Variants in MID1 observed in about 807,000 individuals in gnomAD.
MID1 encodes midline 1, also known as E3 ubiquitin-protein ligase Midline-1.
A neutral mutation model predicts 40.4 loss-of-function variants in MID1; 7 were observed. That is an observed-to-expected ratio of 0.17 (90% confidence interval 0.10 to 0.33). MID1 has a LOEUF of 0.33. MID1 is among the 10% of genes least tolerant of loss of function. The pLI, the probability that MID1 is intolerant of heterozygous loss-of-function variation, is 1.00. For missense variants in MID1, 367 were observed against 558.5 expected, an observed-to-expected ratio of 0.66 and a Z score of 3.46; for synonymous variants, 229 against 221.2, an observed-to-expected ratio of 1.04 and a Z score of -0.31.
intron 1 of MID1, among the ~76,000 whole-genome samples, chrX:10,808,558 T>A (rs1281259282): frequency 9.1e-6 from 1 of 110,324 alleles, no homozygotes; most frequent in Non-Finnish European, 1.9e-5. Context: ...ATGGTACACC[T>A]CCCTATGGTA....
intron 1 of MID1, among the ~76,000 whole-genome samples, chrX:10,699,521 C>A (rs887120520): frequency 4.5e-5 from 5 of 111,716 alleles, no homozygotes; most frequent in Non-Finnish European, 7.5e-5. Context: ...TGTTTGGAGG[C>A]TCACATTGGA....
At chrX:10,474,200 C>T (rs189085558) in intron 6 of MID1, among the ~76,000 whole-genome samples, 253 of 111,692 alleles carry the variant, frequency 2.3e-3, no homozygotes, top group African/African-American at 7.9e-3. Flanking sequence ...TACCTCAACT[C>T]GATGTTGTGC....
upstream of MID1, among the ~76,000 whole-genome samples, chrX:10,625,508 G>T (rs1179898614): frequency 1.8e-5 from 2 of 112,224 alleles, no homozygotes; most frequent in Non-Finnish European, 3.8e-5. Context: ...TGTTTACTGA[G>T]TTGTTGTGAC....
At chrX:10,471,190 TA>T (rs1325035381) in intron 6 of MID1, among the ~76,000 whole-genome samples, 2 of 112,256 alleles carry the variant, frequency 1.8e-5, no homozygotes, top group Non-Finnish European at 3.8e-5. Flanking sequence ...CTCTACAAAC[TA>T]GGAGCAACCT....
intron 1 of MID1, among the ~76,000 whole-genome samples, chrX:10,679,146 A>G (rs2043042058): frequency 1.8e-5 from 2 of 112,287 alleles, no homozygotes; most frequent in African/African-American, 6.5e-5. Flanking sequence ...GCATATCTAT[A>G]TAGTGAAGTA....
chrX:10,638,238 G>C (rs1396718343), intron 1 of MID1, among the ~76,000 whole-genome samples: 1 of 111,840 alleles, frequency 8.9e-6, no homozygotes, highest in African/African-American at 3.2e-5. Flanking sequence ...CAAGGGGTTG[G>C]GGAATTCCCT....
intron 1 of MID1, among the ~76,000 whole-genome samples, chrX:10,801,808 G>A (rs1182297890): frequency 2.7e-5 from 3 of 112,104 alleles, no homozygotes; most frequent in Non-Finnish European, 5.6e-5. Flanking sequence ...TTATGGCTAA[G>A]TCTTCAAAAG....
chrX:10,575,691 C>A (rs1934853435), intron 1 of MID1, among the ~76,000 whole-genome samples: 1 of 110,757 alleles, frequency 9.0e-6, no homozygotes, highest in South Asian at 3.9e-4. Flanking sequence ...GGGCCATGAA[C>A]TGATGGAAAA....
chrX:10,668,016 T>C (rs994788470), intron 1 of MID1, among the ~76,000 whole-genome samples: 1 of 112,316 alleles, frequency 8.9e-6, no homozygotes, highest in African/African-American at 3.2e-5. Flanking sequence ...ATGTATTGCA[T>C]GGTTTTAGAG....
chrX:10,566,346 T>TA (rs1208090311), intron 2 of MID1, among the ~76,000 whole-genome samples: 2 of 111,613 alleles, frequency 1.8e-5, no homozygotes, highest in Non-Finnish European at 3.8e-5. Context: ...ACGTGTCCTC[T>TA]AAAATCCCAC....
chrX:10,549,384 C>T (rs1268478978), intron 2 of MID1, among the ~76,000 whole-genome samples: 1 of 113,330 alleles, frequency 8.8e-6, no homozygotes, highest in Non-Finnish European at 1.9e-5. Flanking sequence ...TGGGTTTCTA[C>T]TAACCAACTG....
At chrX:10,743,233 A>AT (rs780003959) in intron 1 of MID1, among the ~76,000 whole-genome samples, 1 of 112,417 alleles carries the variant, frequency 8.9e-6, no homozygotes, top group East Asian at 2.8e-4. Context: ...GTGATAAACT[A>AT]TTTTGCAGCT....
chrX:10,556,104 A>T (rs772762633), intron 2 of MID1, among the ~76,000 whole-genome samples: 1 of 111,484 alleles, frequency 9.0e-6, no homozygotes, highest in South Asian at 3.8e-4. Flanking sequence ...ACAAAAAAAA[A>T]AAAAGAAAGC....
chrX:10,582,153 T>G (rs911797570), intron 1 of MID1, among the ~76,000 whole-genome samples: 1 of 111,510 alleles, frequency 9.0e-6, no homozygotes, highest in African/African-American at 3.3e-5. Flanking sequence ...CTCAGGAGAT[T>G]TGCATCATAC....
chrX:10,743,888 C>T (rs2043542510), intron 1 of MID1, among the ~76,000 whole-genome samples: 1 of 111,618 alleles, frequency 9.0e-6, no homozygotes, highest in Admixed American at 9.5e-5. Flanking sequence ...CGCCCTGCAC[C>T]CCACCAACCC....
intron 1 of MID1, among the ~76,000 whole-genome samples, chrX:10,816,463 G>A (rs1433283310): frequency 8.9e-5 from 10 of 112,197 alleles, no homozygotes; most frequent in Admixed American, 6.6e-4. Context: ...TCTAATAAAT[G>A]GTTGTTTAAC....
intron 1 of MID1, among the ~76,000 whole-genome samples, chrX:10,714,715 A>G (rs1175196273): frequency 8.9e-6 from 1 of 112,297 alleles, no homozygotes; most frequent in Admixed American, 9.5e-5. Context: ...TACTCCAAAC[A>G]TAACGAAAAG....
chrX:10,577,622 C>T lies in MID1; in HGVS notation c.-56-10019G>A, dbSNP rs749308093. Among the ~76,000 whole-genome samples the T allele has an allele frequency of 1.8e-4, 19 of 104,258 alleles. No individual in the cohort carries two copies. The South Asian group carries it at 5.7e-3, about 31-fold the overall frequency. 90.5% of individuals were successfully genotyped at this position (104,258 alleles called of 115,157 possible). On this transcript the variant is annotated intron_variant, in intron 1 of 9. Transcript: ENST00000317552. The stretch of plus-strand genomic sequence containing the variant: ...TACACACGTATGCATACATTATGTA[C>T]ACACATATATAAAAACATCGTGTGT...
chrX:10,829,951 T>C (rs752807054), intron 1 of MID1, among the ~76,000 whole-genome samples: 1 of 112,196 alleles, frequency 8.9e-6, no homozygotes, highest in African/African-American at 3.2e-5. Flanking sequence ...TGGAAATAGC[T>C]CTTCTCCATG....
Sources: allele counts gnomAD v4.1 joint callset (sites outside exome capture counted in the v4.1 genomes callset), GRCh38; gene constraint gnomAD v4.1.1; transcripts MANE v1.5; gene names NCBI Gene and HGNC (gene_info 2026-07-23, HGNC 2026-07-21).